GARIN1A: variants seen among roughly 807,000 people sequenced by gnomAD.
The protein encoded by GARIN1A is Golgi-associated RAB2 interactor protein 1A.
At chr7:128,673,810 G>A in the GARIN1A span, among the ~76,000 whole-genome samples, 1 of 152,166 alleles carries the variant, frequency 6.6e-6, no homozygotes, top group African/African-American at 2.4e-5. Flanking sequence ...CATACCCTTG[G>A]TGGAGACAGA....
chr7:128,695,072 C>G, the GARIN1A span, among the ~76,000 whole-genome samples: 8 of 152,348 alleles, frequency 5.3e-5, no homozygotes, highest in African/African-American at 1.9e-4. The surrounding 1 kb of genome is among the most constrained non-coding windows in gnomAD (Gnocchi z 4.5). Context: ...TTAAGGAACT[C>G]TATTCACTAT....
At chr7:128,677,119 A>G in the GARIN1A span, among the ~76,000 whole-genome samples, 3 of 151,972 alleles carry the variant, frequency 2.0e-5, no homozygotes, top group South Asian at 4.1e-4. Flanking sequence ...CACTTTCATT[A>G]CATGAGCTTT....
chr7:128,676,467 GTA>G, the GARIN1A span, among the ~76,000 whole-genome samples: 27,389 of 94,630 alleles, frequency 0.29, 2,920 homozygotes, highest in African/African-American at 0.37. Context: ...GTGTGTGTGT[GTA>G]TATATAGACA....
chr7:128,704,513 C>T, the GARIN1A span, among the ~76,000 whole-genome samples: 1 of 152,026 alleles, frequency 6.6e-6, no homozygotes, highest in African/African-American at 2.4e-5. Context: ...CCATGTTGGC[C>T]AGGCTGGTCT....
the GARIN1A span, among the ~76,000 whole-genome samples, chr7:128,692,873 A>T: frequency 6.6e-6 from 1 of 152,238 alleles, no homozygotes; most frequent in African/African-American, 2.4e-5. Context: ...AGAAAACAAA[A>T]CACAAGGGGC....
At chr7:128,709,147 C>G in the GARIN1A span, 1 of 152,270 alleles carries the variant, frequency 6.6e-6, no homozygotes, top group Non-Finnish European at 1.5e-5. Flanking sequence ...CTCAAAGCCA[C>G]ATGTTGAGAA....
the GARIN1A span, among the ~76,000 whole-genome samples, chr7:128,674,317 G>T: frequency 6.6e-6 from 1 of 152,072 alleles, no homozygotes; most frequent in South Asian, 2.1e-4. Flanking sequence ...TAGAGACAGG[G>T]TCTCACTATG....
chr7:128,675,928 A>AT, the GARIN1A span: 1 of 1,140,040 alleles, frequency 8.8e-7, no homozygotes, highest in Non-Finnish European at 1.3e-6. Context: ...TTGTAGCTGG[A>AT]TTTTAGATCA....
the GARIN1A span, chr7:128,680,140 C>G: frequency 6.4e-7 from 1 of 1,557,126 alleles, no homozygotes; most frequent in South Asian, 1.2e-5. Flanking sequence ...CCCCAGCTCA[C>G]AGCAGACAGG....
the GARIN1A span, among the ~76,000 whole-genome samples, chr7:128,689,522 GC>G: frequency 6.8e-6 from 1 of 146,496 alleles, no homozygotes; most frequent in African/African-American, 2.6e-5. Context: ...CCCGGCAGCC[GC>G]CCCGTCTGAG....
chr7:128,701,625 G>A, the GARIN1A span, among the ~76,000 whole-genome samples: 1,139 of 152,028 alleles, frequency 7.5e-3, 13 homozygotes, highest in African/African-American at 0.026. Context: ...GTTTTGGCAG[G>A]AGGGATGGTT....
At chr7:128,708,232 G>A in the GARIN1A span, among the ~76,000 whole-genome samples, 12 of 144,374 alleles carry the variant, frequency 8.3e-5, no homozygotes, top group African/African-American at 2.8e-4. Flanking sequence ...TCACTATGTT[G>A]CCCAGGCTGA....
the GARIN1A span, chr7:128,677,651 C>T: frequency 6.2e-7 from 1 of 1,613,818 alleles, no homozygotes; most frequent in African/African-American, 1.3e-5. Flanking sequence ...AAAAGATCTA[C>T]TATCTGAAGC....
the GARIN1A span, among the ~76,000 whole-genome samples, chr7:128,692,129 C>G: frequency 6.6e-6 from 1 of 152,176 alleles, no homozygotes; most frequent in Admixed American, 6.6e-5. Flanking sequence ...AAATTCCCTT[C>G]GGCTTGGGTT....
At chr7:128,706,161 G>C in the GARIN1A span, among the ~76,000 whole-genome samples, 176 of 152,262 alleles carry the variant, frequency 1.2e-3, no homozygotes, top group African/African-American at 4.1e-3. Context: ...AGCACCTCCA[G>C]GCTGTCTTCT....
At chr7:128,672,589 TC>T in the GARIN1A span, 3 of 1,315,206 alleles carry the variant, frequency 2.3e-6, no homozygotes, top group Non-Finnish European at 2.0e-6. Context: ...TCTTTCTGTT[TC>T]CAAAACCTGT....
the GARIN1A span, chr7:128,675,932 T>C: frequency 8.9e-7 from 1 of 1,119,322 alleles, no homozygotes; most frequent in Non-Finnish European, 1.3e-6. Context: ...AGCTGGATTT[T>C]AGATCAAAAG....
the GARIN1A span, chr7:128,680,045 C>T: frequency 6.4e-7 from 1 of 1,567,260 alleles, no homozygotes; most frequent in Non-Finnish European, 8.6e-7. Flanking sequence ...AAAACAGCCT[C>T]CTGTCATCCC....
At chr7:128,672,304 G>T in the GARIN1A span, 1 of 1,066,928 alleles carries the variant, frequency 9.4e-7, no homozygotes, top group South Asian at 1.7e-5. Context: ...GAAATGCTGG[G>T]GAGGTGGGGG....
Sources: gnomAD v4.1 joint callset for allele counts (sites outside exome capture counted in the v4.1 genomes callset) on GRCh38, gnomAD v4.1.1 for gene constraint, Gnocchi (gnomAD v3.1) non-coding constraint, MANE v1.5 for transcripts, NCBI Gene and HGNC (gene_info 2026-07-23, HGNC 2026-07-21) for gene names.